STAC: variants seen among roughly 807,000 people sequenced by gnomAD.
The protein encoded by STAC is SH3 and cysteine rich domain, also known as SH3 and cysteine-rich domain-containing protein.
STAC carries 43 observed loss-of-function variants against 48.8 expected under a neutral mutation model. The ratio of observed to expected loss-of-function variants is 0.88; its 90% CI spans 0.69 to 1.14. STAC has a LOEUF of 1.14. Ranked by LOEUF, STAC falls within the 50% of genes most tolerant of loss-of-function variation. STAC has a pLI of 0.00. For synonymous variants in STAC, 193 were observed against 179.5 expected (o/e 1.07, Z -0.60); for missense variants, 497 against 504.0 (o/e 0.99, Z 0.13).
chr3:36,490,933 C>T (rs1697951182), intron 5 of STAC, among the ~76,000 whole-genome samples: 1 of 152,174 alleles, frequency 6.6e-6, no homozygotes, highest in Non-Finnish European at 1.5e-5. Context: ...GCACTGGTTC[C>T]ACCAGTAGAT....
intron 5 of STAC, among the ~76,000 whole-genome samples, chr3:36,486,544 A>G (rs1228814290): frequency 6.6e-6 from 1 of 152,204 alleles, no homozygotes; most frequent in African/African-American, 2.4e-5. Flanking sequence ...ATTAGATAAC[A>G]TATGAGTCAA....
chr3:36,542,141 A>C (rs1419059021), intron 10 of STAC, among the ~76,000 whole-genome samples: 1 of 152,108 alleles, frequency 6.6e-6, no homozygotes, highest in African/African-American at 2.4e-5. Flanking sequence ...AATAGAAAGA[A>C]TTGTTTTAAA....
intron 2 of STAC, among the ~76,000 whole-genome samples, chr3:36,463,516 T>C (rs1697077515): frequency 6.6e-6 from 1 of 152,020 alleles, no homozygotes; most frequent in African/African-American, 2.4e-5. Flanking sequence ...TTTTCTTTTT[T>C]TTTTTAATTA....
chr3:36,540,823 T>C (rs1699307250), intron 10 of STAC, among the ~76,000 whole-genome samples: 1 of 152,226 alleles, frequency 6.6e-6, no homozygotes, highest in Non-Finnish European at 1.5e-5. Context: ...CCAAGTCCGC[T>C]AGACCTACAA....
At chr3:36,431,572 A>G (rs1173433521) in intron 1 of STAC, among the ~76,000 whole-genome samples, 1 of 152,214 alleles carries the variant, frequency 6.6e-6, no homozygotes, top group Non-Finnish European at 1.5e-5. Context: ...ATTATAATGC[A>G]GGTGCTAACT....
intron 1 of STAC, among the ~76,000 whole-genome samples, chr3:36,429,623 G>A (rs751427975): frequency 9.2e-5 from 14 of 152,132 alleles, no homozygotes; most frequent in African/African-American, 1.9e-4. Flanking sequence ...CACACTCTTC[G>A]GTATTGCCTG....
intron 2 of STAC, among the ~76,000 whole-genome samples, chr3:36,471,597 TAG>T (rs1349308077): frequency 6.6e-6 from 1 of 152,164 alleles, no homozygotes; most frequent in African/African-American, 2.4e-5. Flanking sequence ...GTACAGGTGT[TAG>T]GTAAATATAG....
In STAC at chr3:36,380,844, G is replaced by T. The variant is rs1019631320; in HGVS notation, c.111+90G>T. 11 of 988,512 alleles carry T rather than the reference G, an allele frequency of 1.1e-5. No individual in the cohort carries two copies. In the African/African-American group the frequency reaches 1.3e-4, roughly 12 times the overall value. The allele number at this position is 988,512 out of a possible 1,614,324, so 61.2% of individuals were successfully genotyped here. A position where few individuals can be genotyped will look rare whatever the true frequency, so the allele number is the denominator to read the frequency against. On this transcript the variant is annotated intron_variant, in intron 1 of 10. Transcript: ENST00000273183. ...GTCTCTCCTCCTATCTAGCACGGGC[G>T]TGGGGGTCTGAGACTTGCTAGTTAG...
At chr3:36,538,386 G>C (rs1699247555) in intron 10 of STAC, among the ~76,000 whole-genome samples, 1 of 152,114 alleles carries the variant, frequency 6.6e-6, no homozygotes. Flanking sequence ...CCTTAGTCTA[G>C]ATGTACAGGA....
At chr3:36,487,642 T>C (rs979981205) in intron 5 of STAC, among the ~76,000 whole-genome samples, 1 of 152,192 alleles carries the variant, frequency 6.6e-6, no homozygotes, top group African/African-American at 2.4e-5. Flanking sequence ...ATGGTGGCAT[T>C]GTTTACCATT....
At chr3:36,397,999 A>G (rs1699888693) in intron 1 of STAC, among the ~76,000 whole-genome samples, 1 of 151,982 alleles carries the variant, frequency 6.6e-6, no homozygotes, top group South Asian at 2.1e-4. Context: ...AGGAGCCAAG[A>G]GCAAAATGCC....
At chr3:36,398,372 G>GAAAGA (rs1559477074) in intron 1 of STAC, among the ~76,000 whole-genome samples, 1 of 108,390 alleles carries the variant, frequency 9.2e-6, no homozygotes, top group African/African-American at 3.3e-5. Context: ...AGAAAGAAAA[G>GAAAGA]AAAGAGAGAA....
Position 36,486,210 on chromosome 3 carries a change from C to T in STAC, c.648C>T (p.Gly216=), listed in dbSNP as rs779497229. ...CCCTGGCCCAGAGGACAAAGAAGGG[C>T]AGCTCCGGCAGTGGCTCTGACTCAC... ...GTSLAQRTKK[G]SSGSGSDSPH... is the part of the protein sequence containing the mutation. The change falls in exon 5 of 11, where the codon GGC becomes GGT. Residue 216 remains glycine (G), a synonymous_variant. Transcript: ENST00000273183. 1.9e-6 allele frequency: 3 copies of T among 1,613,996 alleles called. No individual in the cohort carries two copies. The highest frequency in any genetic ancestry group is 3.3e-5 in the Admixed American group (2 of 59,998).
At chr3:36,467,494 TTTTTTGTTGCCATTTCAGTCTC>T (rs1316139706) in intron 2 of STAC, among the ~76,000 whole-genome samples, 2 of 152,084 alleles carry the variant, frequency 1.3e-5, no homozygotes, top group African/African-American at 4.8e-5. Flanking sequence ...TGTTGGCAAT[TTTTTTGTTGCCATTTCAGTCTC>T]ACTGCTTGTT....
At chr3:36,450,560 C>T (rs1006220432) in intron 2 of STAC, among the ~76,000 whole-genome samples, 1 of 152,218 alleles carries the variant, frequency 6.6e-6, no homozygotes, top group African/African-American at 2.4e-5. Flanking sequence ...GAGTCTCGCT[C>T]TGTCACCCAG....
chr3:36,506,186 CT>C (rs1388916872), intron 8 of STAC: 1 of 173,506 alleles, frequency 5.8e-6, no homozygotes. Flanking sequence ...CACTTGGCAT[CT>C]GGTGGGGCCT....
At chr3:36,524,864 C>T (rs1013730239) in intron 8 of STAC, among the ~76,000 whole-genome samples, 3 of 152,070 alleles carry the variant, frequency 2.0e-5, no homozygotes, top group Non-Finnish European at 4.4e-5. Context: ...GGGCTACCCT[C>T]GAGCAAGATC....
At chr3:36,477,105 T>G (rs1033482434) in intron 2 of STAC, among the ~76,000 whole-genome samples, 1 of 152,206 alleles carries the variant, frequency 6.6e-6, no homozygotes, top group Non-Finnish European at 1.5e-5. Flanking sequence ...AAAAAATTTT[T>G]TCTTAAATCA....
chr3:36,522,441 T>G (rs1004379520), intron 8 of STAC, among the ~76,000 whole-genome samples: 2 of 152,214 alleles, frequency 1.3e-5, no homozygotes, highest in African/African-American at 2.4e-5. Context: ...CAAAAAATAT[T>G]GATGGGGTAA....
Sources: allele counts gnomAD v4.1 joint callset (sites outside exome capture counted in the v4.1 genomes callset), GRCh38; gene constraint gnomAD v4.1.1; transcripts MANE v1.5; gene names NCBI Gene and HGNC (gene_info 2026-07-23, HGNC 2026-07-21).